The following CORO1C variants were observed in gnomAD, a reference collection of about 807,000 sequenced individuals.
CORO1C encodes coronin 1C, also known as coronin-1C.
Under a neutral mutation model 51.2 loss-of-function variants are expected in CORO1C, and 14 were observed. That is an observed-to-expected ratio of 0.27 (90% CI 0.18 to 0.43). CORO1C has a LOEUF of 0.43. Ranked by LOEUF, CORO1C falls within the 20% of genes least tolerant of loss-of-function variation. The pLI, the probability that CORO1C is intolerant of heterozygous loss-of-function variation, is 1.00. For missense variants in CORO1C, 417 were observed against 607.8 expected (o/e 0.69, Z 3.30); for synonymous variants, 181 against 210.5 (o/e 0.86, Z 1.21).
At chr12:108,700,434 T>C (rs1443559663) in intron 2 of CORO1C, among the ~76,000 whole-genome samples, 2 of 152,020 alleles carry the variant, frequency 1.3e-5, no homozygotes, top group Non-Finnish European at 1.5e-5. Flanking sequence ...TCCTATCTAA[T>C]CTCCCACCTT....
rs2033073225 is a variant in CORO1C at position 108,657,363 on chromosome 12, T to A, written c.691A>T (p.Asn231Tyr). Residue 231 changes from asparagine to tyrosine, a missense_variant, in exon 6 of 11, where the codon AAT becomes TAT. By Grantham distance (143) the Asn-to-Tyr change is moderately radical. Transcript: ENST00000261401. Reference protein sequence around the residue: ...PMRAIFLADGNVFTTGFSRMS... With the variant: ...PMRAIFLADGYVFTTGFSRMS... ...CGGCTGAACCCAGTGGTGAAGACATTGCCATCGGCCAGGAAGATGGCTCTC... is the reference window on the plus strand; with the variant it reads ...CGGCTGAACCCAGTGGTGAAGACATAGCCATCGGCCAGGAAGATGGCTCTC... The A allele has an allele frequency of 1.2e-6, 2 of 1,614,034 alleles. No homozygotes were observed. The highest frequency in any genetic ancestry group is 3.3e-5 in the Admixed American group (2 of 60,004).
intron 1 of CORO1C, among the ~76,000 whole-genome samples, chr12:108,722,897 C>T (rs184658423): frequency 6.6e-6 from 1 of 152,352 alleles, no homozygotes; most frequent in East Asian, 1.9e-4. Context: ...AAAGATCAAA[C>T]TAGCAGTCTT....
At position 108,701,174 on chromosome 12, in the gene CORO1C, T is replaced by C; in HGVS notation, c.145A>G (p.Ile49Val). 1 of 1,614,158 alleles carries C rather than the reference T, an allele frequency of 6.2e-7. No homozygotes were observed. Among genetic ancestry groups the C allele is most frequent in the Non-Finnish European group, 8.5e-7 (1 of 1,180,032 alleles). ...CAVNPRFVAI[I>V]IEASGGGAFL... ...GCTCCTCCCCCACTTGCCTCTATGA[T>C]TATGGCAACAAATCTGGGATTGACA... Residue 49 changes from isoleucine (I) to valine (V), a missense_variant, in exon 2 of 11, where the codon ATC becomes GTC. By Grantham distance (29) the Ile-to-Val change is conservative. Coordinates refer to ENST00000261401, the MANE Select transcript of CORO1C (RefSeq NM_014325.4).
At chr12:108,694,279 C>CAAAAAAAAAAAAAAA (rs60647143) in intron 2 of CORO1C, among the ~76,000 whole-genome samples, 2 of 66,228 alleles carry the variant, frequency 3.0e-5, no homozygotes, top group Non-Finnish European at 5.5e-5. Context: ...AAGACTGTCT[C>CAAAAAAAAAAAAAAA]AAAAAAAAAA....
chr12:108,726,037 G>A (rs985811313), intron 1 of CORO1C, among the ~76,000 whole-genome samples: 4 of 152,066 alleles, frequency 2.6e-5, no homozygotes, highest in Admixed American at 2.6e-4. Flanking sequence ...GGTTGGCCGT[G>A]TTGGCCAGGC....
At chr12:108,673,434 A>G (rs981879299) in intron 3 of CORO1C, among the ~76,000 whole-genome samples, 2 of 152,252 alleles carry the variant, frequency 1.3e-5, no homozygotes, top group African/African-American at 2.4e-5. Flanking sequence ...CGCCATCTCC[A>G]TTATATAAAA....
At chr12:108,664,017 GAAAC>G (rs376996109) in intron 3 of CORO1C, among the ~76,000 whole-genome samples, 1 of 152,148 alleles carries the variant, frequency 6.6e-6, no homozygotes, top group East Asian at 1.9e-4. Context: ...AAAAGGTTAA[GAAAC>G]AAACAACCTC....
chr12:108,708,063 G>A (rs2035076555), intron 1 of CORO1C, among the ~76,000 whole-genome samples: 1 of 152,266 alleles, frequency 6.6e-6, no homozygotes. Flanking sequence ...ATGTGGAAAA[G>A]TCTGAAAGTT....
chr12:108,726,928 A>G (rs1806215582), intron 1 of CORO1C, among the ~76,000 whole-genome samples: 1 of 152,232 alleles, frequency 6.6e-6, no homozygotes, highest in South Asian at 2.1e-4. Context: ...TTTACATTTG[A>G]GCACTTTTTG....
At chr12:108,647,645 G>A (rs1490179676) in intron 10 of CORO1C, 123 bp from the exon 11 acceptor site, 13 of 650,262 alleles carry the variant, frequency 2.0e-5, no homozygotes, top group Non-Finnish European at 3.1e-5. Context: ...TAGTCACCAA[G>A]TTGAAAAGAG....
intron 5 of CORO1C, among the ~76,000 whole-genome samples, chr12:108,657,975 A>G (rs1014340594): frequency 6.6e-6 from 1 of 152,232 alleles, no homozygotes; most frequent in African/African-American, 2.4e-5. Context: ...ACTCTTGAAA[A>G]GAGATGCAGC....
intron 2 of CORO1C, among the ~76,000 whole-genome samples, chr12:108,700,320 C>T (rs1410243963): frequency 1.9e-4 from 29 of 152,146 alleles, no homozygotes; most frequent in Admixed American, 1.9e-3. Flanking sequence ...AGGCCCTCTT[C>T]ACAGCTTTTT....
Position 108,714,638 on chromosome 12 carries a change from T to C in CORO1C, c.-5-13315A>G, listed in dbSNP as rs555687031. On this transcript the variant is annotated intron_variant, in intron 1 of 10. Transcript: ENST00000261401. ...TTAGCCGGGCATGATGGCGCATGCC[T>C]GTGGTCCCAGCTACTCAGGAGGCTG... 2.0e-5 allele frequency among the ~76,000 whole-genome samples: 3 copies of C among 151,998 alleles called. No individual in the cohort carries two copies. In the South Asian group the frequency reaches 6.2e-4, roughly 32 times the overall value.
chr12:108,660,435 G>C lies in CORO1C; in HGVS notation c.449-1516C>G, dbSNP rs1053223937. ...CATTGCACTCCAGCCTGAGCAACAA[G>C]AGCGAAACTCCATCTCAAAAAAAAA... On this transcript the variant is annotated intron_variant, in intron 4 of 10. Coordinates refer to ENST00000261401, the MANE Select transcript of CORO1C (RefSeq NM_014325.4). Among the ~76,000 whole-genome samples, 8 of 109,742 alleles carry C rather than the reference G, an allele frequency of 7.3e-5. No individual in the cohort carries two copies. The Admixed American group carries it at 1.1e-3, about 15-fold the overall frequency. The allele number at this position is 109,742 out of a possible 152,430, so 72.0% of individuals were successfully genotyped here.
chr12:108,709,179 T>C (rs1299677439), intron 1 of CORO1C, among the ~76,000 whole-genome samples: 1 of 152,156 alleles, frequency 6.6e-6, no homozygotes, highest in Admixed American at 6.5e-5. Context: ...TTGTCTAGTA[T>C]GTGAATTATA....
intron 6 of CORO1C, among the ~76,000 whole-genome samples, chr12:108,655,159 C>G (rs926865228): frequency 4.6e-5 from 7 of 152,152 alleles, no homozygotes; most frequent in Admixed American, 1.3e-4. Flanking sequence ...TTCCTTCCGA[C>G]ACATGTACAC....
chr12:108,665,334 C>T (rs2033431925), intron 3 of CORO1C, among the ~76,000 whole-genome samples: 1 of 152,144 alleles, frequency 6.6e-6, no homozygotes, highest in Non-Finnish European at 1.5e-5. Context: ...TAACGGTTCC[C>T]TCAGCTGGGT....
chr12:108,687,920 G>A (rs994045015), intron 2 of CORO1C, among the ~76,000 whole-genome samples: 1 of 143,174 alleles, frequency 7.0e-6, no homozygotes, highest in Non-Finnish European at 1.5e-5. Context: ...TATCCCCTCT[G>A]ACCCTTTTTT....
At chr12:108,683,076 T>C (rs2034178256) in intron 2 of CORO1C, among the ~76,000 whole-genome samples, 2 of 152,216 alleles carry the variant, frequency 1.3e-5, no homozygotes, top group African/African-American at 4.8e-5. Context: ...ATTGAGTTGC[T>C]ACCTTGAGAA....
Sources: gnomAD v4.1 joint callset for allele counts (sites outside exome capture counted in the v4.1 genomes callset) on GRCh38, gnomAD v4.1.1 for gene constraint, MANE v1.5 for transcripts, NCBI Gene and HGNC (gene_info 2026-07-23, HGNC 2026-07-21) for gene names.